MRPL1: variants seen among roughly 807,000 people sequenced by gnomAD.
MRPL1 encodes mitochondrial ribosomal protein L1, also known as large ribosomal subunit protein uL1m.
In MRPL1, 28 loss-of-function variants were observed where a neutral mutation model predicts 38.0. The ratio of observed to expected loss-of-function variants is 0.74; its 90% confidence interval spans 0.55 to 1.01. MRPL1 has a LOEUF of 1.01. Ranked by LOEUF, MRPL1 falls within the 50% of genes least tolerant of loss-of-function variation. The pLI, the probability that MRPL1 is intolerant of heterozygous loss-of-function variation, is 0.00. For missense variants in MRPL1, 358 were observed against 389.8 expected (o/e 0.92, Z 0.69); for synonymous variants, 123 against 126.7 (o/e 0.97, Z 0.20).
intron 3 of MRPL1, among the ~76,000 whole-genome samples, chr4:77,883,951 AAT>A (rs1432245455): frequency 6.6e-6 from 1 of 152,144 alleles, no homozygotes; most frequent in Non-Finnish European, 1.5e-5. Context: ...TAGCATGAAA[AAT>A]ATGTTTGTTC....
chr4:77,944,877 A>G (rs1163846346), intron 7 of MRPL1, among the ~76,000 whole-genome samples: 1 of 152,160 alleles, frequency 6.6e-6, no homozygotes, highest in African/African-American at 2.4e-5. Context: ...CAGAGTCATA[A>G]GCTAGTAAGG....
At chr4:77,867,668 G>A (rs1735176612) in intron 1 of MRPL1, among the ~76,000 whole-genome samples, 1 of 150,944 alleles carries the variant, frequency 6.6e-6, no homozygotes. Context: ...TTATAGGCAT[G>A]AGCGATCAAC....
At chr4:77,903,188 T>A (rs1736073498) in intron 6 of MRPL1, among the ~76,000 whole-genome samples, 1 of 152,200 alleles carries the variant, frequency 6.6e-6, no homozygotes, top group Non-Finnish European at 1.5e-5. Context: ...TTTATTCCAG[T>A]TATTCAAAAT....
intron 6 of MRPL1, among the ~76,000 whole-genome samples, chr4:77,900,188 T>C (rs769396162): frequency 3.3e-5 from 5 of 152,232 alleles, no homozygotes; most frequent in Non-Finnish European, 7.3e-5. Context: ...TAGGAGAAGC[T>C]ATTCTTTTTC....
intron 6 of MRPL1, among the ~76,000 whole-genome samples, chr4:77,907,638 C>T (rs1161845153): frequency 1.3e-5 from 2 of 151,720 alleles, no homozygotes; most frequent in East Asian, 3.9e-4. Flanking sequence ...GATCTCAGCT[C>T]ACTGCAACCT....
At position 77,883,336 on chromosome 4, in the gene MRPL1, G is replaced by C. The variant is rs138407676; in HGVS notation, c.238G>C (p.Gly80Arg). Residue 80 changes from glycine (G) to arginine (R), a missense_variant, in exon 3 of 9, where the codon GGC (glycine) becomes CGC (arginine). Coordinates refer to ENST00000315567, the MANE Select transcript of MRPL1 (RefSeq NM_020236.4). ...AATAAAAGCATATCCCTATATGGAAGGCGAACCTGAGGATGATGTCTATTT... is the reference window on the plus strand; with the variant it reads ...AATAAAAGCATATCCCTATATGGAACGCGAACCTGAGGATGATGTCTATTT... ...EKIKAYPYMEGEPEDDVYLKR... is the reference protein window; with the variant it reads ...EKIKAYPYMEREPEDDVYLKR... The C allele has an allele frequency of 1.4e-5, 23 of 1,613,660 alleles. No individual in the cohort carries two copies. Among genetic ancestry groups the C allele is most frequent in the Middle Eastern group, 1.7e-4 (1 of 6,056 alleles).
chr4:77,883,177 C>T (rs1314797855), intron 2 of MRPL1, 65 bp from the exon 3 acceptor site: 2 of 1,072,978 alleles, frequency 1.9e-6, no homozygotes, highest in Non-Finnish European at 1.3e-6. Flanking sequence ...TGTACACTGG[C>T]TTTTTTTTTA....
intron 1 of MRPL1, among the ~76,000 whole-genome samples, chr4:77,867,188 A>ACTT (rs1214885829): frequency 6.6e-6 from 1 of 152,246 alleles, no homozygotes; most frequent in Non-Finnish European, 1.5e-5. Context: ...CCCTCTAGAC[A>ACTT]TAAGCCCTAT....
intron 7 of MRPL1, among the ~76,000 whole-genome samples, chr4:77,935,757 CCTGTCT>C (rs1337668915): frequency 6.6e-6 from 1 of 151,786 alleles, no homozygotes; most frequent in East Asian, 1.9e-4. Context: ...CCAGGTGCAC[CCTGTCT>C]CTAGTAAAAA....
Position 77,883,273 on chromosome 4 carries a change from G to C in MRPL1, c.175G>C (p.Glu59Gln). The C allele has an allele frequency of 6.3e-7, 1 of 1,584,592 alleles. No individual in the cohort carries two copies. Among genetic ancestry groups the C allele is most frequent in the Non-Finnish European group, 8.5e-7 (1 of 1,170,480 alleles). Residue 59 changes from glutamate (E) to glutamine (Q), a missense_variant, in exon 3 of 9, where the codon GAA (glutamate) becomes CAA (glutamine). By Grantham distance (29) the Glu-to-Gln change is conservative. Coordinates refer to ENST00000315567, the MANE Select transcript of MRPL1 (RefSeq NM_020236.4). ...SAKKTKKGAK[E>Q]KTPDEKKDEI... ...AAAGAAAACAAAAAAAGGTGCTAAA[G>C]AAAAAACACCAGATGAGAAAAAAGA...
intron 7 of MRPL1, among the ~76,000 whole-genome samples, chr4:77,949,405 A>C (rs1737354782): frequency 6.6e-6 from 1 of 152,228 alleles, no homozygotes; most frequent in Non-Finnish European, 1.5e-5. Context: ...TGGACTCAAG[A>C]AAACATTAAT....
intron 4 of MRPL1, among the ~76,000 whole-genome samples, chr4:77,886,210 C>T (rs947703717): frequency 6.6e-6 from 1 of 152,086 alleles, no homozygotes; most frequent in Non-Finnish European, 1.5e-5. Context: ...GGTCTGTTGT[C>T]CAGGCTGGAG....
chr4:77,935,661 G>GC (rs1180712892), intron 7 of MRPL1, among the ~76,000 whole-genome samples: 2 of 152,224 alleles, frequency 1.3e-5, no homozygotes, highest in Non-Finnish European at 2.9e-5. Context: ...CTGCCAAAGT[G>GC]CTGGGATTAC....
chr4:77,883,600 G>C (rs1735600976), intron 3 of MRPL1, 100 bp downstream of exon 3: 3 of 1,239,728 alleles, frequency 2.4e-6, no homozygotes, highest in Non-Finnish European at 2.2e-6. Context: ...TTTGAGACAG[G>C]GTCTTCTTGC....
chr4:77,897,359 CTG>C (rs1735941681), intron 6 of MRPL1, among the ~76,000 whole-genome samples: 1 of 152,108 alleles, frequency 6.6e-6, no homozygotes, highest in Non-Finnish European at 1.5e-5. Context: ...GCGTGAACCA[CTG>C]TGCCCAGCCA....
At chr4:77,871,258 G>C (rs1009340016) in intron 1 of MRPL1, among the ~76,000 whole-genome samples, 2 of 150,602 alleles carry the variant, frequency 1.3e-5, no homozygotes, top group Non-Finnish European at 3.0e-5. Flanking sequence ...TCAAATATTA[G>C]ATGTATTTAC....
At chr4:77,904,852 A>T (rs971293549) in intron 6 of MRPL1, among the ~76,000 whole-genome samples, 1 of 152,230 alleles carries the variant, frequency 6.6e-6, no homozygotes, top group Non-Finnish European at 1.5e-5. Context: ...TCCAAAATGG[A>T]TCATAGACCT....
At chr4:77,941,276 AAAAAAG>A (rs2110265102) in intron 7 of MRPL1, among the ~76,000 whole-genome samples, 1 of 152,132 alleles carries the variant, frequency 6.6e-6, no homozygotes, top group Non-Finnish European at 1.5e-5. Flanking sequence ...AGAAAAAAAA[AAAAAAG>A]AGGATTTTTG....
chr4:77,868,627 A>T (rs992759784), intron 1 of MRPL1, among the ~76,000 whole-genome samples: 6 of 152,242 alleles, frequency 3.9e-5, no homozygotes, highest in Middle Eastern at 3.2e-3. Flanking sequence ...GAGAGACCTA[A>T]TCTATTCAGG....
Sources: gnomAD v4.1 joint callset for allele counts (sites outside exome capture counted in the v4.1 genomes callset) on GRCh38, gnomAD v4.1.1 for gene constraint, MANE v1.5 for transcripts, NCBI Gene and HGNC (gene_info 2026-07-23, HGNC 2026-07-21) for gene names.